The following GABRG1 variants were observed in gnomAD, a reference collection of about 807,000 sequenced individuals.
The protein encoded by GABRG1 is gamma-aminobutyric acid receptor subunit gamma-1.
A neutral mutation model predicts 49.8 loss-of-function variants in GABRG1; 49 were observed. That is an observed-to-expected ratio of 0.98 (90% CI 0.78 to 1.25). The LOEUF (loss-of-function observed/expected upper bound fraction) is 1.25, where lower values mean the gene tolerates loss of function less well. Ranked by LOEUF, GABRG1 falls within the 50% of genes most tolerant of loss-of-function variation. GABRG1 has a pLI of 0.00. For synonymous variants in GABRG1, 232 were observed against 185.1 expected (o/e 1.25, Z -2.06); for missense variants, 552 against 552.3 (o/e 1.00, Z 0.01).
chr4:46,055,094 T>G (rs1249264944), intron 7 of GABRG1, among the ~76,000 whole-genome samples: 2 of 46,308 alleles, frequency 4.3e-5, no homozygotes, highest in Non-Finnish European at 3.9e-5. Context: ...AAGCCAAAAT[T>G]GACAAATGGG....
At chr4:46,061,813 C>CGTT (rs144801321) in intron 5 of GABRG1, among the ~76,000 whole-genome samples, 19 of 145,996 alleles carry the variant, frequency 1.3e-4, no homozygotes, top group Admixed American at 2.0e-4. Flanking sequence ...TTACCACTTA[C>CGTT]ATTTTTTTTT....
At chr4:46,092,184 G>T (rs1720013728) in intron 2 of GABRG1, among the ~76,000 whole-genome samples, 1 of 151,946 alleles carries the variant, frequency 6.6e-6, no homozygotes, top group African/African-American at 2.4e-5. Context: ...AGTGGAAATA[G>T]GGTATTTAAG....
rs1378468431 is a variant in GABRG1 at position 46,071,766 on chromosome 4, T to C, written c.322-6182A>G. Reference sequence around the variant, plus strand: ...AAAAAAGCAAAAGCTTACAAAATAATGACACAAAGAAAATACTTTGTACAG... The same window carrying C: ...AAAAAAGCAAAAGCTTACAAAATAACGACACAAAGAAAATACTTTGTACAG... On this transcript the variant is annotated intron_variant, in intron 3 of 8. Coordinates refer to ENST00000295452, the MANE Select transcript of GABRG1 (RefSeq NM_173536.4). 2.6e-5 allele frequency among the ~76,000 whole-genome samples: 4 copies of C among 151,994 alleles called. No homozygotes were observed. The East Asian group carries it at 7.7e-4, about 29-fold the overall frequency.
chr4:46,056,636 C>T lies in GABRG1; in HGVS notation c.916+1581G>A, dbSNP rs199760225. ...GTTTTCTCTACTAAAATGTAAACAC[C>T]ATAAACACGAAGTTTTAAAATTTTA... On this transcript the variant is annotated intron_variant, in intron 7 of 8. Coordinates refer to ENST00000295452, the MANE Select transcript of GABRG1 (RefSeq NM_173536.4). Among the ~76,000 whole-genome samples the T allele has an allele frequency of 2.0e-5, 3 of 152,144 alleles. No individual in the cohort carries two copies. In the East Asian group the frequency reaches 5.8e-4, roughly 29 times the overall value.
intron 4 of GABRG1, 118 bp downstream of exon 4, chr4:46,065,246 G>A: frequency 1.6e-6 from 1 of 617,426 alleles, no homozygotes; most frequent in Admixed American, 3.1e-5. Context: ...ATTTTAGCAT[G>A]TGAAAGGAGC....
At chr4:46,056,258 C>A (rs974728812) in intron 7 of GABRG1, among the ~76,000 whole-genome samples, 1 of 151,106 alleles carries the variant, frequency 6.6e-6, no homozygotes, top group South Asian at 2.1e-4. Context: ...TAACTATTGG[C>A]CCCTTCTCCA....
intron 1 of GABRG1, among the ~76,000 whole-genome samples, chr4:46,120,390 C>A (rs1721058316): frequency 6.6e-6 from 1 of 151,548 alleles, no homozygotes; most frequent in Non-Finnish European, 1.5e-5. Flanking sequence ...CAAACATTTC[C>A]TCTTGTTCCT....
At chr4:46,066,374 C>CA (rs1718922132) in intron 3 of GABRG1, among the ~76,000 whole-genome samples, 1 of 152,136 alleles carries the variant, frequency 6.6e-6, no homozygotes, top group African/African-American at 2.4e-5. Context: ...ACTTACTGAG[C>CA]AATTATAAAA....
intron 1 of GABRG1, among the ~76,000 whole-genome samples, chr4:46,121,805 C>T (rs28420310): frequency 0.094 from 14,307 of 152,014 alleles, 1,679 homozygotes; most frequent in African/African-American, 0.28. Context: ...TATATTTATT[C>T]ACTGGACAAA....
intron 3 of GABRG1, among the ~76,000 whole-genome samples, chr4:46,073,307 G>C (rs1189078249): frequency 6.6e-6 from 1 of 151,634 alleles, no homozygotes; most frequent in Non-Finnish European, 1.5e-5. Flanking sequence ...CATTTTAATT[G>C]AGATACAAGG....
intron 8 of GABRG1, among the ~76,000 whole-genome samples, chr4:46,050,066 G>C (rs1718156447): frequency 6.6e-6 from 1 of 151,876 alleles, no homozygotes; most frequent in Non-Finnish European, 1.5e-5. Flanking sequence ...ATCCAGAGAA[G>C]ATGCATGGCT....
rs755725361 is a variant in GABRG1, at chr4:46,123,956, C to T, written c.-43G>A. ...GTGTGCTGCACTAGCTCAATTCTCCCAGCCAGGACTTTTCCTCCCACCTCA... is the reference window on the plus strand; with the variant it reads ...GTGTGCTGCACTAGCTCAATTCTCCTAGCCAGGACTTTTCCTCCCACCTCA... On this transcript the variant is annotated 5_prime_UTR_variant, in exon 1 of 9. Transcript: ENST00000295452. 8 of 1,479,252 alleles carry T rather than the reference C, an allele frequency of 5.4e-6. No individual in the cohort carries two copies. The highest frequency in any genetic ancestry group is 5.1e-5 in the Admixed American group (3 of 58,738). The allele number at this position is 1,479,252 out of a possible 1,614,324, so 91.6% of individuals were successfully genotyped here. A position where few individuals can be genotyped will look rare whatever the true frequency, so the allele number is the denominator to read the frequency against.
At chr4:46,042,175 C>A (rs1717813037) in intron 8 of GABRG1, among the ~76,000 whole-genome samples, 2 of 151,844 alleles carry the variant, frequency 1.3e-5, no homozygotes, top group African/African-American at 4.8e-5. Flanking sequence ...AAGTAATCAC[C>A]TGCCAGTAGG....
rs1717725727 is a variant in GABRG1, at chr4:46,040,432, T to C, written c.*556A>G. On this transcript the variant is annotated 3_prime_UTR_variant, in exon 9 of 9. Transcript: ENST00000295452. The stretch of plus-strand genomic sequence containing the variant: ...CTTTTCATAAGTCTTCAGTAACTGA[T>C]AGTTTAAAAATAAATCAATTTCTTC... The C allele has an allele frequency of 1.3e-5, 2 of 152,478 alleles. No homozygotes were observed. Among genetic ancestry groups the C allele is most frequent in the Non-Finnish European group, 2.9e-5 (2 of 68,002 alleles). The allele number at this position is 152,478 out of a possible 1,614,324, so 9.4% of individuals were successfully genotyped here.
At chr4:46,094,692 T>C (rs369624898) in intron 2 of GABRG1, among the ~76,000 whole-genome samples, 3 of 151,810 alleles carry the variant, frequency 2.0e-5, no homozygotes, top group East Asian at 3.9e-4. Flanking sequence ...AAAAGAAGAA[T>C]CAATGAATTG....
chr4:46,051,731 A>C (rs1161120135), intron 7 of GABRG1, 93 bp from the exon 8 acceptor site: 1 of 700,720 alleles, frequency 1.4e-6, no homozygotes, highest in Non-Finnish European at 2.3e-6. Context: ...GAAATTAAAC[A>C]ATAGAAACAA....
At chr4:46,049,946 T>G (rs1718151328) in intron 8 of GABRG1, among the ~76,000 whole-genome samples, 1 of 151,918 alleles carries the variant, frequency 6.6e-6, no homozygotes, top group African/African-American at 2.4e-5. Flanking sequence ...TTGCCTGGCC[T>G]CTATATTAGT....
At chr4:46,110,910 G>T (rs959555652) in intron 1 of GABRG1, among the ~76,000 whole-genome samples, 5 of 150,996 alleles carry the variant, frequency 3.3e-5, no homozygotes, top group African/African-American at 9.7e-5. Context: ...TGGTCAAAAG[G>T]TGGAAGCACC....
Position 46,058,461 on chromosome 4 carries a change from T to G in GABRG1, c.763+24A>C, listed in dbSNP as rs200409168. On this transcript the variant is annotated intron_variant, in intron 6 of 8. Coordinates refer to ENST00000295452, the MANE Select transcript of GABRG1 (RefSeq NM_173536.4). ...AATGTCATTTAATGCTAGCATCATT[T>G]CACTATTTGAGTATTCTTTTTACCA... 1.6e-5 allele frequency: 25 copies of G among 1,608,208 alleles called. No individual in the cohort carries two copies. The East Asian group carries it at 2.2e-4, about 14-fold the overall frequency.
Sources: allele counts gnomAD v4.1 joint callset (sites outside exome capture counted in the v4.1 genomes callset), GRCh38; gene constraint gnomAD v4.1.1; transcripts MANE v1.5; gene names NCBI Gene and HGNC (gene_info 2026-07-23, HGNC 2026-07-21).